The following SHANK2 variants were observed in gnomAD, a reference collection of about 807,000 sequenced individuals.
The protein encoded by SHANK2 is SH3 and multiple ankyrin repeat domains protein 2.
In SHANK2, 43 loss-of-function variants were observed where a neutral mutation model predicts 133.7. The ratio of observed to expected loss-of-function variants is 0.32; its 90% CI spans 0.25 to 0.41. The LOEUF (loss-of-function observed/expected upper bound fraction) is 0.41. Ranked by LOEUF, SHANK2 falls within the 10% of genes least tolerant of loss-of-function variation. SHANK2 has a pLI of 1.00. For synonymous variants in SHANK2, 1,017 were observed against 952.8 expected, an observed-to-expected ratio of 1.07 and a Z score of -1.24; for missense variants, 1,994 against 2,235.8, an observed-to-expected ratio of 0.89 and a Z score of 2.18.
In SHANK2 at chr11:70,653,930, G is replaced by A. The variant is rs542807004; in HGVS notation, c.2061+5898C>T. ...ATTACAGGCATAAGCCACCACACCC[G>A]GCCTTATGAGATACTCCCAGGGTCT... On this transcript the variant is annotated intron_variant, in intron 17 of 25. Transcript: ENST00000601538. 1.6e-4 allele frequency among the ~76,000 whole-genome samples: 24 copies of A among 152,080 alleles called. No homozygotes were observed. In the South Asian group the frequency reaches 4.8e-3, roughly 30 times the overall value.
chr11:70,913,010 C>T (rs1555079293), intron 10 of SHANK2, among the ~76,000 whole-genome samples: 1 of 151,648 alleles, frequency 6.6e-6, no homozygotes, highest in African/African-American at 2.4e-5. Context: ...TCTCAGGGAA[C>T]TGAACTACAG....
At chr11:70,582,912 G>C (rs2136230677) in intron 17 of SHANK2, among the ~76,000 whole-genome samples, 1 of 152,310 alleles carries the variant, frequency 6.6e-6, no homozygotes, top group South Asian at 2.1e-4. Flanking sequence ...CTCAGGTGTT[G>C]GTGAGGTCTG....
At chr11:70,799,372 C>T (rs1216569943) in intron 13 of SHANK2, among the ~76,000 whole-genome samples, 4 of 151,602 alleles carry the variant, frequency 2.6e-5, no homozygotes, top group Non-Finnish European at 4.4e-5. Context: ...ACTGCACTCA[C>T]AGCCTGGGTG....
chr11:70,727,345 A>ACTG (rs1229646397), intron 14 of SHANK2, among the ~76,000 whole-genome samples: 1 of 152,210 alleles, frequency 6.6e-6, no homozygotes, highest in Non-Finnish European at 1.5e-5. Context: ...TCACATATGA[A>ACTG]CTGCTATATT....
rs146717159 is a variant in SHANK2, at chr11:70,485,776, G to A, written c.4517C>T (p.Thr1506Met). 2.7e-5 allele frequency: 44 copies of A among 1,613,992 alleles called. No homozygotes were observed. Among genetic ancestry groups the A allele is most frequent in the African/African-American group, 1.7e-4 (13 of 75,026 alleles). ...SRSSSDHHLE[T>M]TSTISTVSSI... ...AGACACGGTGGAGATAGTGCTGGTCGTCTCGAGGTGGTGGTCGCTGCTACT... is the reference window on the plus strand; with the variant it reads ...AGACACGGTGGAGATAGTGCTGGTCATCTCGAGGTGGTGGTCGCTGCTACT... The change falls in exon 25 of 26, where the codon ACG becomes ATG. Residue 1506 changes from threonine (T) to methionine (M), a missense_variant. This residue lies in a region of SHANK2 where 797 missense variants were observed against 907.4 expected (regional missense o/e 0.88). Transcript: ENST00000601538. The surrounding 1 kb of genome is among the most constrained non-coding windows in gnomAD (Gnocchi z 5.8).
chr11:71,165,873 G>A (rs1283436984), intron 2 of SHANK2, among the ~76,000 whole-genome samples: 1 of 152,094 alleles, frequency 6.6e-6, no homozygotes, highest in African/African-American at 2.4e-5. Context: ...CAACTCCTCA[G>A]GACCCAGTGT....
intron 17 of SHANK2, among the ~76,000 whole-genome samples, chr11:70,596,406 A>G (rs1554989560): frequency 2.6e-5 from 4 of 151,714 alleles, no homozygotes. Flanking sequence ...TCCAAGGGAC[A>G]GGCCAGGGTG....
At chr11:71,128,952 T>G (rs1952240760) in intron 3 of SHANK2, among the ~76,000 whole-genome samples, 1 of 152,158 alleles carries the variant, frequency 6.6e-6, no homozygotes, top group Admixed American at 6.5e-5. Context: ...GCCCGGCTAA[T>G]TTTTGTATTT....
Position 70,798,643 on chromosome 11 carries a change from AG to A in SHANK2, c.1664-88del. 1.0e-5 allele frequency: 7 copies of A among 690,344 alleles called. No homozygotes were observed. The South Asian group carries it at 1.1e-4, about 11-fold the overall frequency. The allele number at this position is 690,344 out of a possible 1,614,324, so 42.8% of individuals were successfully genotyped here. ...AAGACGAGTGGGGCTGGGCAGAGGCAGGAGAATCAGCGCACCCCTGGCCAGG... is the reference window on the plus strand; with the variant it reads ...AAGACGAGTGGGGCTGGGCAGAGGCAGAGAATCAGCGCACCCCTGGCCAGG... On this transcript the variant is annotated intron_variant, in intron 13 of 25. Transcript: ENST00000601538.
chr11:71,106,703 C>T (rs1399068666), intron 6 of SHANK2, among the ~76,000 whole-genome samples: 2 of 152,212 alleles, frequency 1.3e-5, no homozygotes, highest in African/African-American at 4.8e-5. Flanking sequence ...CCTGTAGTCC[C>T]AGCTATTCAA....
intron 1 of SHANK2, among the ~76,000 whole-genome samples, chr11:71,235,258 C>T (rs1308832148): frequency 1.3e-5 from 2 of 152,112 alleles, no homozygotes; most frequent in African/African-American, 4.8e-5. Context: ...TCTGGCCCCA[C>T]TAGCTGAGCT....
chr11:71,083,776 A>G lies in SHANK2; in HGVS notation c.913-8501T>C, dbSNP rs895039089. Among the ~76,000 whole-genome samples, 39 of 152,262 alleles carry G rather than the reference A, an allele frequency of 2.6e-4. No individual in the cohort carries two copies. The South Asian group carries it at 7.7e-3, about 30-fold the overall frequency. On this transcript the variant is annotated intron_variant, in intron 8 of 25. Coordinates refer to ENST00000601538, the MANE Select transcript of SHANK2 (RefSeq NM_012309.5). Reference sequence around the variant, plus strand: ...GCTGTGAAGTTGCACGGTGGATGTAAAAGTCTTTAGCAATTAAAAATACAG... The same window carrying G: ...GCTGTGAAGTTGCACGGTGGATGTAGAAGTCTTTAGCAATTAAAAATACAG...
chr11:70,608,652 C>T (rs1051652166), intron 17 of SHANK2, among the ~76,000 whole-genome samples: 9 of 152,226 alleles, frequency 5.9e-5, no homozygotes, highest in African/African-American at 9.6e-5. Flanking sequence ...GCCGCAGGAG[C>T]GCTGCTTCCT....
intron 9 of SHANK2, among the ~76,000 whole-genome samples, chr11:71,060,139 G>A (rs942311361): frequency 1.1e-4 from 16 of 152,254 alleles, no homozygotes; most frequent in Middle Eastern, 6.8e-3. Flanking sequence ...TTGCCTTCAC[G>A]GGAACATCCG....
intron 17 of SHANK2, among the ~76,000 whole-genome samples, chr11:70,515,637 G>GAAGA: frequency 1.3e-5 from 1 of 79,958 alleles, no homozygotes; most frequent in South Asian, 7.0e-4. Context: ...CTCGTTCCTT[G>GAAGA]AAAAAAAAAA....
At chr11:70,564,787 T>C (rs902456685) in intron 17 of SHANK2, among the ~76,000 whole-genome samples, 1 of 152,248 alleles carries the variant, frequency 6.6e-6, no homozygotes, top group East Asian at 1.9e-4. Flanking sequence ...ATCCTGTGTA[T>C]CCGTCATCTC....
At chr11:70,907,507 G>A (rs1328061403) in intron 10 of SHANK2, 1 of 173,702 alleles carries the variant, frequency 5.8e-6, no homozygotes, top group Non-Finnish European at 1.2e-5. Flanking sequence ...ATAAAAGTAT[G>A]ATTCTTCTAT....
chr11:71,166,607 G>A (rs1953157114), intron 2 of SHANK2, among the ~76,000 whole-genome samples: 4 of 150,654 alleles, frequency 2.7e-5, no homozygotes, highest in East Asian at 3.9e-4. Context: ...TCAGCCTCCC[G>A]AGTAGCTGGG....
At chr11:70,528,364 G>C (rs1410824526) in intron 17 of SHANK2, among the ~76,000 whole-genome samples, 1 of 152,192 alleles carries the variant, frequency 6.6e-6, no homozygotes, top group East Asian at 1.9e-4. Context: ...CCTTGCCAGT[G>C]CCTCGACGCG....
Sources: gnomAD v4.1 joint callset for allele counts (sites outside exome capture counted in the v4.1 genomes callset) on GRCh38, gnomAD v4.1.1 for gene constraint, gnomAD v4.1.1 regional missense constraint, Gnocchi (gnomAD v3.1) non-coding constraint, MANE v1.5 for transcripts, NCBI Gene and HGNC (gene_info 2026-07-23, HGNC 2026-07-21) for gene names.